Variants in OR1J2 observed in about 807,000 individuals in gnomAD.
OR1J2 encodes the protein olfactory receptor 1J2.
For synonymous variants in OR1J2, 142 were observed against 99.7 expected (o/e 1.42, Z -2.52); for missense variants, 304 against 246.1 (o/e 1.24, Z -1.57).
chr9:122,477,532 T>G, the OR1J2 span: 1 of 1,614,160 alleles, frequency 6.2e-7, no homozygotes, highest in Non-Finnish European at 8.5e-7. Flanking sequence ...GATGGTGGCA[T>G]AATGTAGAGG....
chr9:122,477,049 C>A, the OR1J2 span: 1 of 1,614,088 alleles, frequency 6.2e-7, no homozygotes. Flanking sequence ...GTCTTTATTT[C>A]TCAGACTGTA....
the OR1J2 span, among the ~76,000 whole-genome samples, chr9:122,547,975 T>C: frequency 1.3e-5 from 2 of 152,204 alleles, no homozygotes; most frequent in African/African-American, 2.4e-5. Context: ...ACTTTTACAA[T>C]AGCCATTCTG....
chr9:122,519,564 A>C, the OR1J2 span: 1 of 1,614,110 alleles, frequency 6.2e-7, no homozygotes, highest in Admixed American at 1.7e-5. Flanking sequence ...GGGACTGTGT[A>C]ACTTACTAGT....
the OR1J2 span, among the ~76,000 whole-genome samples, chr9:122,549,694 G>A: frequency 6.6e-6 from 1 of 151,970 alleles, no homozygotes; most frequent in Non-Finnish European, 1.5e-5. Context: ...TTATTTCCAG[G>A]TTCTCTATTC....
At chr9:122,477,757 G>A in the OR1J2 span, 22 of 1,613,980 alleles carry the variant, frequency 1.4e-5, no homozygotes, top group African/African-American at 2.7e-4. Context: ...GTACATGGGG[G>A]TGTGAAGGTG....
chr9:122,567,714 C>T, the OR1J2 span: 1 of 1,614,000 alleles, frequency 6.2e-7, no homozygotes, highest in Non-Finnish European at 8.5e-7. Flanking sequence ...ACAGAAGATG[C>T]TTCCATAAAA....
the OR1J2 span, among the ~76,000 whole-genome samples, chr9:122,521,056 C>T: frequency 2.6e-5 from 4 of 152,314 alleles, no homozygotes; most frequent in East Asian, 3.9e-4. Context: ...GTGGTGGCTG[C>T]GTGGCCTCAG....
At chr9:122,527,122 A>T in the OR1J2 span, 1,308 of 1,614,232 alleles carry the variant, frequency 8.1e-4, 10 homozygotes, top group African/African-American at 0.016. Context: ...AAGAAAAAGT[A>T]CATGGGGGTG....
At chr9:122,536,275 CA>C in the OR1J2 span, among the ~76,000 whole-genome samples, 1 of 151,596 alleles carries the variant, frequency 6.6e-6, no homozygotes, top group Non-Finnish European at 1.5e-5. Context: ...AACAAACAAA[CA>C]AAAAACTCAC....
the OR1J2 span, chr9:122,527,158 C>T: frequency 6.2e-7 from 1 of 1,614,088 alleles, no homozygotes; most frequent in Admixed American, 1.7e-5. Context: ...GAGCCAATGG[C>T]CAGGATGATG....
chr9:122,514,601 C>A (rs1047458961), downstream of OR1J2, among the ~76,000 whole-genome samples: 7 of 152,264 alleles, frequency 4.6e-5, no homozygotes, highest in Middle Eastern at 3.4e-3. Flanking sequence ...AAAAATGAAT[C>A]ATGAAAGGGT....
downstream of OR1J2, among the ~76,000 whole-genome samples, chr9:122,513,232 C>G (rs57209818): frequency 0.059 from 8,911 of 152,186 alleles, 585 homozygotes; most frequent in East Asian, 0.3. Flanking sequence ...TATGTTTACT[C>G]AATTTTATAC....
the OR1J2 span, among the ~76,000 whole-genome samples, chr9:122,573,858 A>G: frequency 1.3e-5 from 2 of 152,274 alleles, no homozygotes; most frequent in South Asian, 2.1e-4. Flanking sequence ...GTTATCCTCT[A>G]TGAGTTTCAC....
the OR1J2 span, among the ~76,000 whole-genome samples, chr9:122,463,993 A>C: frequency 1.3e-5 from 2 of 152,210 alleles, no homozygotes; most frequent in African/African-American, 2.4e-5. Context: ...GGGTGGGGCC[A>C]TAGGGCTCTC....
At chr9:122,486,534 C>CTATGAT in the OR1J2 span, among the ~76,000 whole-genome samples, 1 of 152,132 alleles carries the variant, frequency 6.6e-6, no homozygotes, top group Admixed American at 6.5e-5. Context: ...AAGATTTGTG[C>CTATGAT]CATGATGGTG....
At chr9:122,487,594 A>G in the OR1J2 span, among the ~76,000 whole-genome samples, 1 of 152,170 alleles carries the variant, frequency 6.6e-6, no homozygotes, top group South Asian at 2.1e-4. Flanking sequence ...TTTCTCTCCA[A>G]AAGTCTTAGA....
At chr9:122,535,548 AG>A in the OR1J2 span, among the ~76,000 whole-genome samples, 3 of 152,180 alleles carry the variant, frequency 2.0e-5, no homozygotes, top group Non-Finnish European at 1.5e-5. Flanking sequence ...AAGGAGAAAG[AG>A]GTTAAGGGAT....
the OR1J2 span, among the ~76,000 whole-genome samples, chr9:122,488,129 T>C: frequency 1.3e-5 from 2 of 152,044 alleles, no homozygotes; most frequent in African/African-American, 4.8e-5. Context: ...GGGTTTTTTG[T>C]TTGTTTGTTT....
At chr9:122,485,100 TC>T in the OR1J2 span, among the ~76,000 whole-genome samples, 1 of 151,826 alleles carries the variant, frequency 6.6e-6, no homozygotes, top group South Asian at 2.1e-4. Flanking sequence ...GGCAACCATG[TC>T]CTACCAGTCC....
Sources: gnomAD v4.1 joint callset for allele counts (sites outside exome capture counted in the v4.1 genomes callset) on GRCh38, gnomAD v4.1.1 for gene constraint, MANE v1.5 for transcripts, NCBI Gene and HGNC (gene_info 2026-07-23, HGNC 2026-07-21) for gene names.